The following PCDH11Y variants were observed in gnomAD, a reference collection of about 807,000 sequenced individuals.
PCDH11Y encodes the protein protocadherin 11 Y-linked, also known as protocadherin-11 Y-linked.
For missense variants in PCDH11Y, 12 were observed against 224.8 expected, an observed-to-expected ratio of 0.05 and a Z score of 6.05; for synonymous variants, 9 against 83.6, an observed-to-expected ratio of 0.11 and a Z score of 4.87.
intron 2 of PCDH11Y, among the ~76,000 whole-genome samples, chrY:5,376,480 C>T (rs2053198019): frequency 6.0e-5 from 2 of 33,360 alleles, no homozygotes; most frequent in African/African-American, 1.2e-4. Flanking sequence ...TTTAAAAATA[C>T]GAATAGATGA....
chrY:5,498,060 G>T, intron 2 of PCDH11Y, among the ~76,000 whole-genome samples: 1 of 32,524 alleles, frequency 3.1e-5, no homozygotes, highest in African/African-American at 1.2e-4. Context: ...TCCATCAAGT[G>T]CAGGATCTGC....
chrY:5,280,321 C>T, intron 2 of PCDH11Y, among the ~76,000 whole-genome samples: 1 of 32,020 alleles, frequency 3.1e-5, no homozygotes, highest in East Asian at 8.3e-4. Flanking sequence ...GTGTTGTCCC[C>T]GCTATGTGTC....
At position 5,247,971 on chromosome Y, in the gene PCDH11Y, C is replaced by T. The variant is rs111615205; in HGVS notation, c.3129+147264C>T. Among the ~76,000 whole-genome samples, 3 of 30,927 alleles carry T rather than the reference C, an allele frequency of 9.7e-5. No homozygotes were observed. The East Asian group carries it at 2.6e-3, about 27-fold the overall frequency. The allele number at this position is 30,927 out of a possible 37,273, so 83.0% of individuals were successfully genotyped here. ...CTTCTATGCAAATAAACTAGCAAAC[C>T]GAGAAGAAATGGATAAATTCCTGGA... On this transcript the variant is annotated intron_variant, in intron 2 of 4. Transcript: ENST00000400457.
At chrY:5,374,876 A>G in intron 2 of PCDH11Y, among the ~76,000 whole-genome samples, 2 of 33,384 alleles carry the variant, frequency 6.0e-5, no homozygotes, top group Admixed American at 5.6e-4. Context: ...AGGTTTATCC[A>G]TGTGGATAAA....
downstream of PCDH11Y, among the ~76,000 whole-genome samples, chrY:5,108,044 G>A: frequency 6.6e-5 from 1 of 15,259 alleles, no homozygotes; most frequent in Non-Finnish European, 1.2e-4. Flanking sequence ...GGGCGACAGA[G>A]CCAGAGGCTG....
chrY:5,631,860 AT>A (rs2053512519), intron 4 of PCDH11Y, among the ~76,000 whole-genome samples: 29 of 33,839 alleles, frequency 8.6e-4, no homozygotes, highest in African/African-American at 3.2e-3. Context: ...GGGAAGAGTA[AT>A]TTTTTAAGTG....
chrY:5,639,603 T>C (rs2053521201), intron 4 of PCDH11Y, among the ~76,000 whole-genome samples: 3 of 28,906 alleles, frequency 1.0e-4, no homozygotes, highest in Non-Finnish European at 2.5e-4. Flanking sequence ...TGGTGGAAGG[T>C]CTTACCTCAA....
At chrY:5,195,715 T>A in intron 2 of PCDH11Y, among the ~76,000 whole-genome samples, 1 of 33,373 alleles carries the variant, frequency 3.0e-5, no homozygotes, top group Non-Finnish European at 7.4e-5. Context: ...TTTTTCTTGA[T>A]CTTCTTCTTC....
intron 2 of PCDH11Y, among the ~76,000 whole-genome samples, chrY:5,117,477 G>A: frequency 3.0e-5 from 1 of 33,024 alleles, no homozygotes; most frequent in Non-Finnish European, 7.4e-5. Flanking sequence ...AAAAGAGATT[G>A]AGACAGGGAG....
At chrY:5,511,901 C>A in intron 3 of PCDH11Y, among the ~76,000 whole-genome samples, 6 of 32,597 alleles carry the variant, frequency 1.8e-4, no homozygotes, top group Admixed American at 2.9e-4. Flanking sequence ...CTTTCTTAGT[C>A]TCTTATCTAC....
intron 3 of PCDH11Y, among the ~76,000 whole-genome samples, chrY:5,534,855 G>A: frequency 5.9e-5 from 2 of 33,640 alleles, no homozygotes; most frequent in African/African-American, 2.3e-4. Flanking sequence ...AACATTGTGA[G>A]TATCTCATTG....
intron 2 of PCDH11Y, among the ~76,000 whole-genome samples, chrY:5,163,501 C>T: frequency 3.0e-5 from 1 of 33,056 alleles, no homozygotes; most frequent in Admixed American, 2.8e-4. Context: ...AAACCTAATA[C>T]TGAAATATAA....
intron 2 of PCDH11Y, among the ~76,000 whole-genome samples, chrY:5,278,824 G>A (rs2053047850): frequency 7.2e-4 from 24 of 33,115 alleles, no homozygotes; most frequent in African/African-American, 2.8e-3. Context: ...GGACCTAGAA[G>A]CAAAGCAGGG....
chrY:5,261,408 G>A (rs1216456507), intron 2 of PCDH11Y, among the ~76,000 whole-genome samples: 3,544 of 32,496 alleles, frequency 0.11, no homozygotes, highest in Non-Finnish European at 0.18. Context: ...TAGTGATAAG[G>A]ACAATAAAGT....
intron 2 of PCDH11Y, among the ~76,000 whole-genome samples, chrY:5,294,055 C>T (rs2053070517): frequency 6.3e-5 from 2 of 31,949 alleles, no homozygotes; most frequent in Admixed American, 2.9e-4. Context: ...ATTTTATTTA[C>T]ATTCAATATT....
intron 4 of PCDH11Y, among the ~76,000 whole-genome samples, chrY:5,656,159 C>G: frequency 6.1e-5 from 2 of 32,529 alleles, no homozygotes; most frequent in South Asian, 1.4e-3. Flanking sequence ...TTGCCTTTCT[C>G]TTATTATCAG....
At chrY:5,496,019 T>C in intron 2 of PCDH11Y, among the ~76,000 whole-genome samples, 1 of 33,212 alleles carries the variant, frequency 3.0e-5, no homozygotes, top group Non-Finnish European at 7.4e-5. Flanking sequence ...AGGTATCCTG[T>C]GCTGTTTCTC....
chrY:5,220,586 AT>A (rs2052952562), intron 2 of PCDH11Y, among the ~76,000 whole-genome samples: 2 of 23,839 alleles, frequency 8.4e-5, no homozygotes, highest in Non-Finnish European at 1.9e-4. Context: ...AATTTTTTGT[AT>A]TTTTTAGTAG....
chrY:5,485,603 T>C, intron 2 of PCDH11Y, among the ~76,000 whole-genome samples: 1 of 28,843 alleles, frequency 3.5e-5, no homozygotes. Flanking sequence ...TCCTATGAGA[T>C]TGTTTTGAAG....
Sources: allele counts gnomAD v4.1 joint callset (sites outside exome capture counted in the v4.1 genomes callset), GRCh38; gene constraint gnomAD v4.1.1; transcripts MANE v1.5; gene names NCBI Gene and HGNC (gene_info 2026-07-23, HGNC 2026-07-21).